FBP1: variants seen among roughly 807,000 people sequenced by gnomAD.
FBP1 encodes the protein fructose-1,6-bisphosphatase 1.
A neutral mutation model predicts 29.9 loss-of-function variants in FBP1; 22 were observed. The observed-to-expected ratio is 0.74, with a 90% CI of 0.53 to 1.05. The LOEUF (loss-of-function observed/expected upper bound fraction) is 1.05, where lower values mean the gene tolerates loss of function less well. FBP1 is among the 50% of genes least tolerant of loss of function. FBP1 has a pLI of 0.00. For synonymous variants in FBP1, 175 were observed against 178.6 expected (o/e 0.98, Z 0.16); for missense variants, 345 against 448.2 (o/e 0.77, Z 2.08).
chr9:94,607,300 A>G (rs983070651), intron 4 of FBP1, among the ~76,000 whole-genome samples: 6 of 152,224 alleles, frequency 3.9e-5, no homozygotes, highest in Non-Finnish European at 8.8e-5. Context: ...CCAAAGCAAT[A>G]TAAGATGTGT....
intron 2 of FBP1, among the ~76,000 whole-genome samples, chr9:94,618,697 A>G (rs2131487554): frequency 6.6e-6 from 1 of 152,256 alleles, no homozygotes; most frequent in East Asian, 1.9e-4. Flanking sequence ...GATAACTTTC[A>G]GTGGTAGTGG....
rs540955882 is a variant in FBP1 at position 94,610,719 on chromosome 9, A to C, written c.427-658T>G. Among the ~76,000 whole-genome samples the C allele has an allele frequency of 8.5e-5, 13 of 152,360 alleles. No individual in the cohort carries two copies. The East Asian group carries it at 2.3e-3, about 27-fold the overall frequency. On this transcript the variant is annotated intron_variant, in intron 3 of 6. Coordinates refer to ENST00000375326, the MANE Select transcript of FBP1 (RefSeq NM_000507.4). Reference sequence around the variant, plus strand: ...AGTTACCAAAATAATACCTACACTTAGAACGTGGCATGTGCCGTAATCCAT... The same window carrying C: ...AGTTACCAAAATAATACCTACACTTCGAACGTGGCATGTGCCGTAATCCAT...
chr9:94,639,284 C>G lies in FBP1; in HGVS notation c.27G>C (p.Thr9=), dbSNP rs748356162. 2 of 1,607,506 alleles carry G rather than the reference C, an allele frequency of 1.2e-6. No homozygotes were observed. Among genetic ancestry groups the G allele is most frequent in the Non-Finnish European group, 1.7e-6 (2 of 1,177,236 alleles). Residue 9 remains threonine, a synonymous_variant, in exon 1 of 7, where the codon ACG becomes ACC. Coordinates refer to ENST00000375326, the MANE Select transcript of FBP1 (RefSeq NM_000507.4). ...CGAAGCGGGTCAGGGTGTTGACGTC[C>G]GTGTCGAAGGGCGCCTGGTCAGCCA... The part of the protein sequence containing the change: MADQAPFD[T]DVNTLTRFVM...
intron 1 of FBP1, among the ~76,000 whole-genome samples, chr9:94,622,677 C>T (rs928525234): frequency 9.2e-5 from 14 of 152,196 alleles, no homozygotes; most frequent in Admixed American, 7.9e-4. Context: ...AGCCCTCCTC[C>T]TGCTGCTTCT....
At chr9:94,603,673 A>C in intron 6 of FBP1, 101 bp from the exon 7 acceptor site, 1 of 1,069,006 alleles carries the variant, frequency 9.4e-7, no homozygotes, top group Non-Finnish European at 1.4e-6. Flanking sequence ...GGGAGTTTCC[A>C]AGGGAACGAA....
At chr9:94,611,767 G>A (rs1183133840) in intron 3 of FBP1, among the ~76,000 whole-genome samples, 2 of 152,130 alleles carry the variant, frequency 1.3e-5, no homozygotes, top group African/African-American at 4.8e-5. Context: ...AAAAAGAAAA[G>A]AAATGCATAT....
chr9:94,613,043 A>G (rs1827808582), intron 3 of FBP1, among the ~76,000 whole-genome samples: 1 of 152,110 alleles, frequency 6.6e-6, no homozygotes, highest in Non-Finnish European at 1.5e-5. Flanking sequence ...ATATTATTCC[A>G]TGTCATCACA....
At chr9:94,621,575 T>C (rs1822060409) in intron 1 of FBP1, among the ~76,000 whole-genome samples, 1 of 152,150 alleles carries the variant, frequency 6.6e-6, no homozygotes, top group African/African-American at 2.4e-5. Flanking sequence ...TTGTTTTCAT[T>C]ATGATTCCCC....
In FBP1 at chr9:94,639,273, G is replaced by A; in HGVS notation, c.38C>T (p.Thr13Ile). 6.2e-7 allele frequency: 1 copy of A among 1,607,104 alleles called. No individual in the cohort carries two copies. The highest frequency in any genetic ancestry group is 8.5e-7 in the Non-Finnish European group (1 of 1,176,982). The change falls in exon 1 of 7, where the codon ACC (threonine) becomes ATC (isoleucine). Residue 13 changes from threonine to isoleucine, a missense_variant. Coordinates refer to ENST00000375326, the MANE Select transcript of FBP1 (RefSeq NM_000507.4). ...CTCCTCCATGACGAAGCGGGTCAGG[G>A]TGTTGACGTCCGTGTCGAAGGGCGC... is the stretch of plus-strand genomic sequence containing the variant. ...DQAPFDTDVN[T>I]LTRFVMEEGR... is the part of the protein sequence containing the mutation.
chr9:94,615,018 C>G lies in FBP1; in HGVS notation c.426+2750G>C, dbSNP rs546664158. 4.6e-5 allele frequency among the ~76,000 whole-genome samples: 7 copies of G among 152,292 alleles called. No individual in the cohort carries two copies. In the South Asian group the frequency reaches 1.2e-3, roughly 27 times the overall value. On this transcript the variant is annotated intron_variant, in intron 3 of 6. Transcript: ENST00000375326. ...CCGCCTCCCAGGTTCACACCATTCT[C>G]CTGCCTCAGCCTCCCAGGTAGCTGG... is the stretch of plus-strand genomic sequence containing the variant.
At chr9:94,604,953 G>A (rs1200343302) in intron 6 of FBP1, among the ~76,000 whole-genome samples, 1 of 152,148 alleles carries the variant, frequency 6.6e-6, no homozygotes, top group East Asian at 1.9e-4. Flanking sequence ...AGTCGGTGGT[G>A]ACGGCTCACC....
chr9:94,639,100 A>C (rs913068910), intron 1 of FBP1, 41 bp downstream of exon 1: 2 of 1,560,878 alleles, frequency 1.3e-6, no homozygotes, highest in African/African-American at 2.7e-5. Flanking sequence ...CTCCCCAGGC[A>C]GACAGACAGG....
In FBP1 at chr9:94,603,659, T is replaced by A; in HGVS notation, c.826-87A>T. ...TTTTCTGCAGCAAAACATGCAGAGC[T>A]GGTGGGAGTTTCCAAGGGAACGAAT... On this transcript the variant is annotated intron_variant, in intron 6 of 6. Coordinates refer to ENST00000375326, the MANE Select transcript of FBP1 (RefSeq NM_000507.4). 4 of 1,208,374 alleles carry A rather than the reference T, an allele frequency of 3.3e-6. No homozygotes were observed. In the South Asian group the frequency reaches 4.9e-5, roughly 15 times the overall value. The allele number at this position is 1,208,374 out of a possible 1,614,324, so 74.9% of individuals were successfully genotyped here.
chr9:94,612,791 C>A (rs1563981348), intron 3 of FBP1, among the ~76,000 whole-genome samples: 1 of 151,784 alleles, frequency 6.6e-6, no homozygotes. Context: ...GAACTCTGGA[C>A]CTCAGGTGAT....
intron 3 of FBP1, among the ~76,000 whole-genome samples, chr9:94,616,262 G>C (rs1313435198): frequency 6.6e-6 from 1 of 152,090 alleles, no homozygotes; most frequent in African/African-American, 2.4e-5. Flanking sequence ...TGGTATGGTA[G>C]ACTTTGGAGA....
intron 1 of FBP1, among the ~76,000 whole-genome samples, chr9:94,632,112 T>A (rs1160534172): frequency 6.6e-6 from 1 of 152,168 alleles, no homozygotes; most frequent in Non-Finnish European, 1.5e-5. Flanking sequence ...CCTAAACGTG[T>A]ATTAGCTGAC....
intron 3 of FBP1, among the ~76,000 whole-genome samples, chr9:94,611,874 C>T (rs1021293908): frequency 6.6e-6 from 1 of 152,230 alleles, no homozygotes; most frequent in Non-Finnish European, 1.5e-5. Context: ...CCTTCACACT[C>T]AAGTGTAAGA....
At chr9:94,608,612 C>T (rs2131475098) in intron 4 of FBP1, among the ~76,000 whole-genome samples, 1 of 152,178 alleles carries the variant, frequency 6.6e-6, no homozygotes, top group South Asian at 2.1e-4. Flanking sequence ...CTCCCCCACC[C>T]CACCCCTACC....
intron 1 of FBP1, among the ~76,000 whole-genome samples, chr9:94,630,219 A>C (rs530948207): frequency 6.6e-6 from 1 of 152,310 alleles, no homozygotes; most frequent in African/African-American, 2.4e-5. Context: ...TGGATGAATA[A>C]ATTTAGAGAG....
Sources: allele counts gnomAD v4.1 joint callset (sites outside exome capture counted in the v4.1 genomes callset), GRCh38; gene constraint gnomAD v4.1.1; transcripts MANE v1.5; gene names NCBI Gene and HGNC (gene_info 2026-07-23, HGNC 2026-07-21).